The following INCENP variants were observed in gnomAD, a reference collection of about 807,000 sequenced individuals.
The protein encoded by INCENP is inner centromere protein, also known as binds and activates aurora-B and -C in vivo and in vitro.
INCENP carries 43 observed loss-of-function variants against 107.3 expected under a neutral mutation model. That is an observed-to-expected ratio of 0.40 (90% confidence interval 0.31 to 0.52). The LOEUF is 0.52. Among genes scored for constraint, INCENP ranks in the 20% least tolerant of loss-of-function variants. The pLI is 0.53. For synonymous variants in INCENP, 488 were observed against 494.4 expected (o/e 0.99, Z 0.17); for missense variants, 1,089 against 1,250.9 (o/e 0.87, Z 1.95).
intron 1 of INCENP, among the ~76,000 whole-genome samples, chr11:62,126,220 G>C (rs1943746459): frequency 7.0e-6 from 1 of 143,190 alleles, no homozygotes; most frequent in Admixed American, 6.8e-5. Context: ...TTTTGAGATA[G>C]AGTCTCCCTC....
intron 4 of INCENP, 84 bp from the exon 5 acceptor site, chr11:62,137,748 C>A: frequency 7.9e-7 from 1 of 1,268,374 alleles, no homozygotes; most frequent in Non-Finnish European, 1.2e-6. Flanking sequence ...CAGGCCCTTG[C>A]TGGAACCCGG....
chr11:62,139,506 C>T (rs904879723), intron 7 of INCENP, among the ~76,000 whole-genome samples: 1 of 152,212 alleles, frequency 6.6e-6, no homozygotes, highest in Non-Finnish European at 1.5e-5. Flanking sequence ...GTGGAAAGTG[C>T]ACTGTAGCTG....
rs900802611 is a variant in INCENP at position 62,148,312 on chromosome 11, G to A, written c.2205-164G>A. Among the ~76,000 whole-genome samples the A allele has an allele frequency of 7.9e-5, 12 of 152,302 alleles. No homozygotes were observed. In the South Asian group the frequency reaches 1.2e-3, roughly 16 times the overall value. Reference sequence around the variant, plus strand: ...CTCAGGTGTGCACACTTCTAGCCCCGGGGCAAAAGCGCAGCTCTTGGCTCT... The same window carrying A: ...CTCAGGTGTGCACACTTCTAGCCCCAGGGCAAAAGCGCAGCTCTTGGCTCT... On this transcript the variant is annotated intron_variant, in intron 15 of 18. Coordinates refer to ENST00000394818, the MANE Select transcript of INCENP (RefSeq NM_001040694.2).
At position 62,130,078 on chromosome 11, in the gene INCENP, C is replaced by A; in HGVS notation, c.551C>A (p.Thr184Asn). 2 of 1,613,672 alleles carry A rather than the reference C, an allele frequency of 1.2e-6. No homozygotes were observed. Among genetic ancestry groups the A allele is most frequent in the Non-Finnish European group, 1.7e-6 (2 of 1,180,010 alleles). Residue 184 changes from threonine (T) to asparagine (N), a missense_variant, in exon 4 of 19, where the codon ACC becomes AAC. Physicochemically the swap from Thr to Asn is moderately conservative, Grantham distance 65. Coordinates refer to ENST00000394818, the MANE Select transcript of INCENP (RefSeq NM_001040694.2). ...CGCCAGAATGCTGAGCAGCATGTCA[C>A]CCAGCTCATGTCCACCGAGCCTCTG... ...SERQNAEQHV[T>N]QLMSTEPLPR...
chr11:62,138,854 G>A, intron 6 of INCENP, 34 bp from the exon 7 acceptor site: 1 of 1,606,090 alleles, frequency 6.2e-7, no homozygotes, highest in South Asian at 1.1e-5. Flanking sequence ...TGGGTTCCAG[G>A]TCAAGACCCC....
At chr11:62,145,325 G>T in intron 13 of INCENP, 36 bp downstream of exon 13, 1 of 1,612,632 alleles carries the variant, frequency 6.2e-7, no homozygotes, top group African/African-American at 1.3e-5. Flanking sequence ...AGGCAATTCA[G>T]GACTTGGGCC....
intron 4 of INCENP, among the ~76,000 whole-genome samples, chr11:62,133,231 G>A (rs1943925593): frequency 6.6e-6 from 1 of 152,100 alleles, no homozygotes; most frequent in East Asian, 1.9e-4. Context: ...TTAATTTTTG[G>A]GAAATTAACA....
chr11:62,130,316 C>G lies in INCENP; in HGVS notation c.789C>G (p.Ser263=). 1 of 1,611,588 alleles carries G rather than the reference C, an allele frequency of 6.2e-7. No homozygotes were observed. The highest frequency in any genetic ancestry group is 8.5e-7 in the Non-Finnish European group (1 of 1,180,008). Residue 263 remains serine, a synonymous_variant, in exon 4 of 19, where the codon TCC becomes TCG. Coordinates refer to ENST00000394818, the MANE Select transcript of INCENP (RefSeq NM_001040694.2). ...SASKLRIAQV[S]PGPRDSPAFP... is the part of the protein sequence containing the mutation. Reference sequence around the variant, plus strand: ...CTAAGCTCAGGATTGCGCAGGTCTCCCCTGGCCCACGGGACTCGCCAGCCT... The same window carrying G: ...CTAAGCTCAGGATTGCGCAGGTCTCGCCTGGCCCACGGGACTCGCCAGCCT...
At chr11:62,133,427 T>C (rs549075077) in intron 4 of INCENP, among the ~76,000 whole-genome samples, 79 of 152,062 alleles carry the variant, frequency 5.2e-4, no homozygotes, top group African/African-American at 1.8e-3. Flanking sequence ...CCTGGCCTGG[T>C]GCGCACGTGC....
intron 4 of INCENP, among the ~76,000 whole-genome samples, chr11:62,133,856 T>C (rs951040357): frequency 1.3e-5 from 2 of 152,124 alleles, no homozygotes; most frequent in African/African-American, 4.8e-5. Context: ...GGAAGGGTCC[T>C]GGCTTCCCTT....
intron 15 of INCENP, among the ~76,000 whole-genome samples, chr11:62,147,109 G>C (rs1351939015): frequency 6.6e-6 from 1 of 152,210 alleles, no homozygotes; most frequent in African/African-American, 2.4e-5. Flanking sequence ...GCTTGGCTTG[G>C]TTCTGCCTCC....
At chr11:62,130,719 T>C (rs1943875994) in intron 4 of INCENP, 129 bp downstream of exon 4, 1 of 806,166 alleles carries the variant, frequency 1.2e-6, no homozygotes, top group Non-Finnish European at 2.0e-6. Flanking sequence ...TACACATCTG[T>C]GCTGTCCTGG....
Position 62,145,080 on chromosome 11 carries a change from G to A in INCENP, c.1704G>A (p.Glu568=), listed in dbSNP as rs372907658. 6.2e-7 allele frequency: 1 copy of A among 1,613,750 alleles called. No individual in the cohort carries two copies. The highest frequency in any genetic ancestry group is 8.5e-7 in the Non-Finnish European group (1 of 1,179,826). The change falls in exon 12 of 19, where the codon GAG becomes GAA. Residue 568 remains glutamate (E), a synonymous_variant. Coordinates refer to ENST00000394818, the MANE Select transcript of INCENP (RefSeq NM_001040694.2). ...AGGAGGACAAGCGGCGGCGGCTGGA[G>A]GAGGTGAAGCTGTAAGTGGCCTGGC... The part of the protein sequence containing the change: ...KVEEDKRRRL[E]EVKLKREERL...
chr11:62,148,134 G>T (rs1401054087), intron 15 of INCENP, among the ~76,000 whole-genome samples: 1 of 152,158 alleles, frequency 6.6e-6, no homozygotes, highest in East Asian at 1.9e-4. Context: ...GATAAAAAGG[G>T]GTATTGTGGA....
At chr11:62,140,870 C>G (rs1449319912) in intron 9 of INCENP, 43 bp from the exon 10 acceptor site, 1 of 1,613,640 alleles carries the variant, frequency 6.2e-7, no homozygotes, top group Non-Finnish European at 8.5e-7. Flanking sequence ...CCTTCAGTAC[C>G]CTGCCCCGCC....
rs1400940405 is a variant in INCENP at position 62,151,964 on chromosome 11, G to C, written c.2745G>C (p.Leu915=). The C allele has an allele frequency of 1.2e-6, 2 of 1,609,880 alleles. No homozygotes were observed. Among genetic ancestry groups the C allele is most frequent in the South Asian group, 2.2e-5 (2 of 91,076 alleles). The change falls in exon 19 of 19, where the codon CTG becomes CTC. Residue 915 remains leucine (L), a synonymous_variant. Transcript: ENST00000394818. The stretch of plus-strand genomic sequence containing the variant: ...TCCCCAGCAGCCTGGCCTACAGCCT[G>C]AAGAAGCACTGAGGCTGGCCTGCGG... ...ARVPSSLAYS[L]KKH is the part of the protein sequence containing the mutation.
At chr11:62,140,128 C>A in intron 7 of INCENP, 106 bp from the exon 8 acceptor site, 1 of 917,820 alleles carries the variant, frequency 1.1e-6, no homozygotes, top group Non-Finnish European at 1.8e-6. Context: ...GGGAGCCTTG[C>A]CCACTGCCAA....
At chr11:62,134,608 C>G (rs77217373) in intron 4 of INCENP, among the ~76,000 whole-genome samples, 1 of 152,096 alleles carries the variant, frequency 6.6e-6, no homozygotes, top group Non-Finnish European at 1.5e-5. Context: ...TACATTAAGA[C>G]TTTTTATGAA....
rs1944408997 is a variant in INCENP at position 62,153,046 on chromosome 11, G to C, written c.*1070G>C. The C allele has an allele frequency of 6.6e-6, 1 of 152,206 alleles. No individual in the cohort carries two copies. The highest frequency in any genetic ancestry group is 2.1e-4 in the South Asian group (1 of 4,832). 9.4% of individuals were successfully genotyped at this position (152,206 alleles called of 1,614,324 possible). On this transcript the variant is annotated 3_prime_UTR_variant, in exon 19 of 19. Coordinates refer to ENST00000394818, the MANE Select transcript of INCENP (RefSeq NM_001040694.2). ...TTGTCTCCAGTTGCTCTGCTCCGAG[G>C]GCAGTGTTAAGTTGTGCAGCAGAGG...
Sources: allele counts gnomAD v4.1 joint callset (sites outside exome capture counted in the v4.1 genomes callset), GRCh38; gene constraint gnomAD v4.1.1; transcripts MANE v1.5; gene names NCBI Gene and HGNC (gene_info 2026-07-23, HGNC 2026-07-21).